Variants in ITGA8 observed in about 807,000 individuals in gnomAD.
ITGA8 encodes integrin subunit alpha 8.
ITGA8 carries 91 observed loss-of-function variants against 142.3 expected under a neutral mutation model. The ratio of observed to expected loss-of-function variants is 0.64; its 90% CI spans 0.54 to 0.76. ITGA8 has a LOEUF of 0.76. Ranked by LOEUF, ITGA8 falls within the 30% of genes least tolerant of loss-of-function variation. The probability of loss-of-function intolerance (pLI) is 0.00; values close to 1 mark genes in which losing one functional copy is unlikely to be tolerated. For synonymous variants in ITGA8, 505 were observed against 485.2 expected, an observed-to-expected ratio of 1.04 and a Z score of -0.54; for missense variants, 1,406 against 1,327.7, an observed-to-expected ratio of 1.06 and a Z score of -0.92.
At chr10:15,619,019 A>G (rs796802240) in intron 13 of ITGA8, among the ~76,000 whole-genome samples, 7 of 152,270 alleles carry the variant, frequency 4.6e-5, no homozygotes, top group African/African-American at 1.7e-4. Context: ...ACAGGTAGGA[A>G]TTAGAAAGTG....
chr10:15,589,084 A>G (rs1832880005), intron 22 of ITGA8, among the ~76,000 whole-genome samples: 1 of 152,242 alleles, frequency 6.6e-6, no homozygotes, highest in South Asian at 2.1e-4. Flanking sequence ...CATCACCGCC[A>G]TGGAAGCTGA....
At chr10:15,623,633 C>T (rs1431163466) in intron 13 of ITGA8, among the ~76,000 whole-genome samples, 1 of 152,128 alleles carries the variant, frequency 6.6e-6, no homozygotes, top group Non-Finnish European at 1.5e-5. Context: ...TTGCAGTGAG[C>T]CGAGACTGCA....
intron 8 of ITGA8, among the ~76,000 whole-genome samples, chr10:15,663,561 T>C (rs1024486558): frequency 6.7e-6 from 1 of 148,544 alleles, no homozygotes; most frequent in Non-Finnish European, 1.5e-5. Flanking sequence ...TCTTGAGAGC[T>C]TTCCAACAAG....
Position 15,646,965 on chromosome 10 carries a change from T to C in ITGA8, c.1088A>G (p.Tyr363Cys). The change falls in exon 12 of 30, where the codon TAT (tyrosine) becomes TGT (cysteine). Residue 363 changes from tyrosine (Y) to cysteine (C), a missense_variant. Coordinates refer to ENST00000378076, the MANE Select transcript of ITGA8 (RefSeq NM_003638.3). ...NPREVGQIYL[Y>C]LQVSSLLFRD... ...GAAGAGGAGAGAGCTCACTTGCAAA[T>C]ACAGGTAGATTTGCCCTACTTCTCT... 6 of 1,614,028 alleles carry C rather than the reference T, an allele frequency of 3.7e-6. No homozygotes were observed. The highest frequency in any genetic ancestry group is 5.1e-6 in the Non-Finnish European group (6 of 1,180,006).
intron 2 of ITGA8, among the ~76,000 whole-genome samples, chr10:15,694,076 CTATCTA>C (rs1185189931): frequency 6.8e-6 from 1 of 146,086 alleles, no homozygotes; most frequent in African/African-American, 2.5e-5. Context: ...TTTTAAAAAT[CTATCTA>C]TATTATATTT....
intron 2 of ITGA8, among the ~76,000 whole-genome samples, chr10:15,717,211 C>A (rs771373971): frequency 6.6e-6 from 1 of 152,186 alleles, no homozygotes; most frequent in Non-Finnish European, 1.5e-5. Context: ...TTATTAAATT[C>A]TTTTCCACGA....
chr10:15,604,301 A>G lies in ITGA8; in HGVS notation c.2025T>C (p.Asn675=). ...ATGCTCCTTCCCCTTCATTTCTTGC[A>G]TTTATTATGAGCATAAGGTGATTTT... ...GDENHLMLII[N]ARNEGEGAYE... is the part of the protein sequence containing the mutation. Residue 675 remains asparagine, a synonymous_variant, in exon 20 of 30, where the codon AAT becomes AAC. Coordinates refer to ENST00000378076, the MANE Select transcript of ITGA8 (RefSeq NM_003638.3). 6.2e-7 allele frequency: 1 copy of G among 1,612,776 alleles called. No homozygotes were observed. Among genetic ancestry groups the G allele is most frequent in the Non-Finnish European group, 8.5e-7 (1 of 1,179,028 alleles).
chr10:15,544,020 C>A (rs1316034016), intron 27 of ITGA8, among the ~76,000 whole-genome samples: 1 of 152,152 alleles, frequency 6.6e-6, no homozygotes, highest in Non-Finnish European at 1.5e-5. Flanking sequence ...AGGGGCCAGG[C>A]CTGGTGGTTC....
chr10:15,556,023 T>C (rs1287603652), intron 26 of ITGA8, among the ~76,000 whole-genome samples: 56 of 78,110 alleles, frequency 7.2e-4, no homozygotes, highest in African/African-American at 2.7e-3. Context: ...TCTCTCTTTT[T>C]TTTTTTTTTT....
intron 2 of ITGA8, 69 bp downstream of exon 2, chr10:15,718,697 G>C: frequency 1.3e-6 from 2 of 1,584,782 alleles, no homozygotes; most frequent in Non-Finnish European, 1.7e-6. Context: ...ACAGCGGGAA[G>C]TCGCCTCTGG....
chr10:15,631,461 C>G (rs375468883), intron 13 of ITGA8, among the ~76,000 whole-genome samples: 3 of 151,846 alleles, frequency 2.0e-5, no homozygotes, highest in African/African-American at 7.3e-5. Context: ...CAAACTAACA[C>G]AGGAACAGAA....
intron 7 of ITGA8, among the ~76,000 whole-genome samples, chr10:15,672,390 A>C (rs1435510299): frequency 3.3e-5 from 5 of 152,206 alleles, no homozygotes; most frequent in Non-Finnish European, 7.3e-5. Context: ...GAAATAGTTC[A>C]TGTGCAAAAA....
chr10:15,593,839 A>ATTTTTTTTTTTT (rs35907545), intron 21 of ITGA8, among the ~76,000 whole-genome samples: 5 of 137,306 alleles, frequency 3.6e-5, no homozygotes, highest in African/African-American at 1.4e-4. Flanking sequence ...CCCAGCAAAG[A>ATTTTTTTTTTTT]TTTTTTTTTT....
In ITGA8 at chr10:15,646,886, A is replaced by G. The variant is rs1303825579; in HGVS notation, c.1167T>C (p.Ala389=). 1 of 1,613,970 alleles carries G rather than the reference A, an allele frequency of 6.2e-7. No homozygotes were observed. Among genetic ancestry groups the G allele is most frequent in the Non-Finnish European group, 8.5e-7 (1 of 1,180,004 alleles). Residue 389 remains alanine (A), a synonymous_variant, in exon 12 of 30, where the codon GCT becomes GCC. Coordinates refer to ENST00000378076, the MANE Select transcript of ITGA8 (RefSeq NM_003638.3). ...GTETFGRFGS[A]MAHLGDLNQD... is the part of the protein sequence containing the mutation. The stretch of plus-strand genomic sequence containing the variant: ...GGTTCAGGTCTCCTAAGTGTGCCAT[A>G]GCACTACCGAATCTCCCAAACGTCT...
chr10:15,647,041 C>T lies in ITGA8; in HGVS notation c.1012G>A (p.Val338Ile). The change falls in exon 12 of 30, where the codon GTC (valine) becomes ATC (isoleucine). Residue 338 changes from valine (V) to isoleucine (I), a missense_variant. Coordinates refer to ENST00000378076, the MANE Select transcript of ITGA8 (RefSeq NM_003638.3). ...ATAAAGAGAGGTGCCCCAACCAGGA[C>T]ATCATCCAGTCTGTAAGGAACAAAG... ...SDVNSDGLDD[V>I]LVGAPLFMER... 5 of 1,613,214 alleles carry T rather than the reference C, an allele frequency of 3.1e-6. No homozygotes were observed. The highest frequency in any genetic ancestry group is 3.4e-6 in the Non-Finnish European group (4 of 1,179,874).
At chr10:15,620,245 G>A (rs1433380956) in intron 13 of ITGA8, among the ~76,000 whole-genome samples, 1 of 152,050 alleles carries the variant, frequency 6.6e-6, no homozygotes, top group Non-Finnish European at 1.5e-5. Context: ...AATTAAAACC[G>A]ACTAATGTCA....
intron 13 of ITGA8, among the ~76,000 whole-genome samples, chr10:15,640,745 C>G (rs1035147074): frequency 6.6e-6 from 1 of 152,150 alleles, no homozygotes; most frequent in African/African-American, 2.4e-5. Flanking sequence ...GAATACCCAG[C>G]CTGTGCGTGT....
intron 13 of ITGA8, among the ~76,000 whole-genome samples, chr10:15,616,880 G>C (rs1366256659): frequency 6.6e-6 from 1 of 152,174 alleles, no homozygotes; most frequent in Admixed American, 6.5e-5. Context: ...AAAGGGGAAA[G>C]TCAGCTGCTT....
At position 15,631,905 on chromosome 10, in the gene ITGA8, GTC is replaced by G. The variant is rs200986446; in HGVS notation, c.1399+12123_1399+12124del. Among the ~76,000 whole-genome samples the G allele has an allele frequency of 1.3e-4, 20 of 151,888 alleles. No individual in the cohort carries two copies. The East Asian group carries it at 3.7e-3, about 28-fold the overall frequency. On this transcript the variant is annotated intron_variant, in intron 13 of 29. Transcript: ENST00000378076. ...TACACTGGGTTTCAGAAAGAACCCA[GTC>G]TCTGATTATTTGGAAGGAAGTTAGT...
Sources: gnomAD v4.1 joint callset for allele counts (sites outside exome capture counted in the v4.1 genomes callset) on GRCh38, gnomAD v4.1.1 for gene constraint, MANE v1.5 for transcripts, NCBI Gene and HGNC (gene_info 2026-07-23, HGNC 2026-07-21) for gene names.